LAMP3: variants seen among roughly 807,000 people sequenced by gnomAD.
LAMP3 encodes the protein lysosome-associated membrane glycoprotein 3.
In LAMP3, 26 loss-of-function variants were observed where a neutral mutation model predicts 34.8. That is an observed-to-expected ratio of 0.75 (90% CI 0.55 to 1.04). The LOEUF is 1.04. Among genes scored for constraint, LAMP3 ranks in the 50% least tolerant of loss-of-function variants. LAMP3 has a pLI of 0.00. For missense variants in LAMP3, 495 were observed against 524.0 expected, an observed-to-expected ratio of 0.94 and a Z score of 0.54; for synonymous variants, 180 against 201.9, an observed-to-expected ratio of 0.89 and a Z score of 0.92.
chr3:183,124,260 G>A, intron 5 of LAMP3, 46 bp from the exon 6 acceptor site: 1 of 1,476,222 alleles, frequency 6.8e-7, no homozygotes, highest in Non-Finnish European at 9.0e-7. Flanking sequence ...GTTTGGTGAT[G>A]CAGTCCAGAA....
chr3:183,156,645 T>C (rs888350187), intron 1 of LAMP3, among the ~76,000 whole-genome samples: 2 of 152,242 alleles, frequency 1.3e-5, no homozygotes, highest in Admixed American at 1.3e-4. Context: ...ACTTTTCTCA[T>C]ATTAATAACA....
intron 5 of LAMP3, chr3:183,132,798 T>C (rs1481863867): frequency 1.0e-6 from 1 of 985,456 alleles, no homozygotes; most frequent in Admixed American, 6.1e-5. Flanking sequence ...ACTTTGCACA[T>C]TTTGAAGAAA....
At chr3:183,130,154 CTTTT>C (rs34543624) in intron 5 of LAMP3, among the ~76,000 whole-genome samples, 1 of 70,960 alleles carries the variant, frequency 1.4e-5, no homozygotes, top group Admixed American at 1.7e-4. Flanking sequence ...ACCCTCACTC[CTTTT>C]TTTTTTTTTT....
In LAMP3 at chr3:183,135,900, CAGAT is replaced by C. The variant is rs1189317206; in HGVS notation, c.947-17_947-14del. Reference sequence around the variant, plus strand: ...TGGTAAATTGTCTCTGAAAAGGTGACAGATAGATGCATAAGAGTCCTGAGATGTA... The same window carrying C: ...TGGTAAATTGTCTCTGAAAAGGTGACAGATGCATAAGAGTCCTGAGATGTA... On this transcript the variant is annotated splice_polypyrimidine_tract_variant and intron_variant, in intron 4 of 5. Transcript: ENST00000265598. 1 of 1,604,976 alleles carries C rather than the reference CAGAT, an allele frequency of 6.2e-7. No homozygotes were observed. Among genetic ancestry groups the C allele is most frequent in the Non-Finnish European group, 8.5e-7 (1 of 1,171,740 alleles).
chr3:183,139,271 T>C (rs1027155750), intron 4 of LAMP3, among the ~76,000 whole-genome samples: 1 of 151,496 alleles, frequency 6.6e-6, no homozygotes, highest in African/African-American at 2.4e-5. Flanking sequence ...GTGCCTGTAA[T>C]CCCAGCTACT....
intron 5 of LAMP3, among the ~76,000 whole-genome samples, chr3:183,126,342 A>C (rs1211585434): frequency 6.6e-6 from 1 of 152,218 alleles, no homozygotes; most frequent in Non-Finnish European, 1.5e-5. Flanking sequence ...AAAAACTGGC[A>C]GGAGGACTGG....
Position 183,129,415 on chromosome 3 carries a change from C to T in LAMP3, c.1118-5201G>A, listed in dbSNP as rs559652404. Among the ~76,000 whole-genome samples, 9 of 152,092 alleles carry T rather than the reference C, an allele frequency of 5.9e-5. No homozygotes were observed. In the South Asian group the frequency reaches 8.3e-4, roughly 14 times the overall value. The stretch of plus-strand genomic sequence containing the variant: ...CTATACGTCAGAGGCACCAATTATA[C>T]TTATGTTGGATGGGCTGAATAGCTT... On this transcript the variant is annotated intron_variant, in intron 5 of 5. Coordinates refer to ENST00000265598, the MANE Select transcript of LAMP3 (RefSeq NM_014398.4).
intron 3 of LAMP3, 97 bp from the exon 4 acceptor site, chr3:183,140,692 T>C (rs1054970750): frequency 1.5e-5 from 12 of 812,048 alleles, no homozygotes; most frequent in Non-Finnish European, 2.5e-5. Context: ...CTATTAAATC[T>C]GGATATAAGG....
chr3:183,139,333 T>C (rs1281434006), intron 4 of LAMP3, among the ~76,000 whole-genome samples: 1 of 148,250 alleles, frequency 6.7e-6, no homozygotes, highest in Non-Finnish European at 1.5e-5. Context: ...GAGATTGCAG[T>C]GAGCTGAGAC....
At position 183,135,705 on chromosome 3, in the gene LAMP3, C is replaced by A. The variant is rs1397704618; in HGVS notation, c.1117+12G>T. 1 of 1,613,642 alleles carries A rather than the reference C, an allele frequency of 6.2e-7. No individual in the cohort carries two copies. The highest frequency in any genetic ancestry group is 1.7e-5 in the Admixed American group (1 of 60,016). ...AAGTGTATGTTTGCAACCTGATCGACCCTTAACTTACCATTTCCAAAGTGG... is the reference window on the plus strand; with the variant it reads ...AAGTGTATGTTTGCAACCTGATCGAACCTTAACTTACCATTTCCAAAGTGG... On this transcript the variant is annotated intron_variant, in intron 5 of 5. Coordinates refer to ENST00000265598, the MANE Select transcript of LAMP3 (RefSeq NM_014398.4).
intron 3 of LAMP3, among the ~76,000 whole-genome samples, chr3:183,147,944 C>G (rs369658162): frequency 2.0e-5 from 3 of 152,064 alleles, no homozygotes; most frequent in African/African-American, 7.2e-5. Flanking sequence ...CTCAAACTCC[C>G]GGGTTCATGC....
At chr3:183,132,976 A>G (rs1034597606) in intron 5 of LAMP3, 23 of 981,084 alleles carry the variant, frequency 2.3e-5, no homozygotes, top group South Asian at 4.7e-5. Flanking sequence ...AAGTCAGAGT[A>G]ACAAGTGTTA....
At chr3:183,134,320 G>GA (rs3836297) in intron 5 of LAMP3, among the ~76,000 whole-genome samples, 1 of 150,892 alleles carries the variant, frequency 6.6e-6, no homozygotes, top group East Asian at 1.9e-4. Context: ...ATGGTTTTAA[G>GA]AAAAAAAAAA....
chr3:183,132,170 T>C (rs1008899120), intron 5 of LAMP3: 8 of 985,326 alleles, frequency 8.1e-6, no homozygotes, highest in Admixed American at 6.1e-5. Context: ...TAACATTTAT[T>C]GAGCCCCTCC....
At chr3:183,143,738 T>C (rs1382844446) in intron 3 of LAMP3, among the ~76,000 whole-genome samples, 1 of 152,242 alleles carries the variant, frequency 6.6e-6, no homozygotes, top group Non-Finnish European at 1.5e-5. Context: ...ACACAATTTA[T>C]GCTATGGAAT....
Position 183,133,746 on chromosome 3 carries a change from C to A in LAMP3, c.1117+1971G>T, listed in dbSNP as rs185414500. Among the ~76,000 whole-genome samples the A allele has an allele frequency of 1.1e-4, 16 of 152,248 alleles. No homozygotes were observed. In the East Asian group the frequency reaches 2.9e-3, roughly 28 times the overall value. On this transcript the variant is annotated intron_variant, in intron 5 of 5. Transcript: ENST00000265598. ...AGCAAAAGAAAAGGACAGCAAAAAC[C>A]CTAAAACTCAATAAACAAAACACAA...
intron 3 of LAMP3, among the ~76,000 whole-genome samples, chr3:183,147,385 G>A (rs1720480341): frequency 6.6e-6 from 1 of 152,114 alleles, no homozygotes; most frequent in Admixed American, 6.5e-5. Context: ...TGCACCATCT[G>A]CAGAGCTAAC....
chr3:183,158,534 G>A (rs1720885799), intron 1 of LAMP3, among the ~76,000 whole-genome samples: 1 of 116,096 alleles, frequency 8.6e-6, no homozygotes, highest in Non-Finnish European at 1.6e-5. Flanking sequence ...TGGCAAACAA[G>A]CACCCCAGGG....
intron 1 of LAMP3, among the ~76,000 whole-genome samples, chr3:183,157,467 T>G (rs1720855422): frequency 6.6e-6 from 1 of 152,218 alleles, no homozygotes; most frequent in Admixed American, 6.5e-5. Flanking sequence ...CCCGCGTTGC[T>G]GGTTCTCTGG....
Sources: allele counts gnomAD v4.1 joint callset (sites outside exome capture counted in the v4.1 genomes callset), GRCh38; gene constraint gnomAD v4.1.1; transcripts MANE v1.5; gene names NCBI Gene and HGNC (gene_info 2026-07-23, HGNC 2026-07-21).